NEBL: variants seen among roughly 807,000 people sequenced by gnomAD.
NEBL encodes the protein nebulette.
In NEBL, 122 loss-of-function variants were observed where a neutral mutation model predicts 140.2. The observed-to-expected ratio is 0.87, with a 90% CI of 0.75 to 1.01. The LOEUF (loss-of-function observed/expected upper bound fraction) is 1.01. Ranked by LOEUF, NEBL falls within the 50% of genes least tolerant of loss-of-function variation. The pLI, the probability that NEBL is intolerant of heterozygous loss-of-function variation, is 0.00. For synonymous variants in NEBL, 436 were observed against 398.9 expected (o/e 1.09, Z -1.11); for missense variants, 1,365 against 1,231.3 (o/e 1.11, Z -1.62).
In NEBL at chr10:21,126,100, G is replaced by A; in HGVS notation, c.164+46283C>T. 1.9e-6 allele frequency: 3 copies of A among 1,613,148 alleles called. No homozygotes were observed. The South Asian group carries it at 3.3e-5, about 18-fold the overall frequency. On this transcript the variant is annotated intron_variant, in intron 2 of 6. Transcript: ENST00000417816. ...CCTGGGAGGCCTCAGGCCCTTCTCG[G>A]CTCTCCGTTCTGCCTTACCAGGCCT...
Position 21,140,895 on chromosome 10 carries a change from G to A in NEBL, c.164+31488C>T, listed in dbSNP as rs187532086. On this transcript the variant is annotated intron_variant, in intron 2 of 6. Coordinates refer to the NEBL transcript ENST00000417816. ...GATAGGTGCAGCAAACCACCATGGC[G>A]CATGTATACCTAGGTAACAAACCTG... is the stretch of plus-strand genomic sequence containing the variant. 1.1e-4 allele frequency among the ~76,000 whole-genome samples: 16 copies of A among 151,872 alleles called. No individual in the cohort carries two copies. The East Asian group carries it at 1.7e-3, about 17-fold the overall frequency.
intron 2 of NEBL, among the ~76,000 whole-genome samples, chr10:21,171,131 T>G (rs1008427320): frequency 3.3e-5 from 5 of 151,562 alleles, no homozygotes; most frequent in African/African-American, 1.2e-4. Flanking sequence ...AGGTCCAGAG[T>G]TCGAGGCCAG....
intron 5 of NEBL, among the ~76,000 whole-genome samples, chr10:20,879,440 A>G (rs1217983881): frequency 6.6e-6 from 1 of 152,238 alleles, no homozygotes; most frequent in Non-Finnish European, 1.5e-5. Context: ...TTCATCTCCT[A>G]GCAATCTTAA....
chr10:21,023,742 T>A (rs1360003635), intron 2 of NEBL, among the ~76,000 whole-genome samples: 4 of 152,042 alleles, frequency 2.6e-5, no homozygotes, highest in African/African-American at 9.7e-5. Context: ...AAATTCTGCT[T>A]AATTATTTAA....
At chr10:21,132,616 G>C (rs1313633588) in intron 2 of NEBL, among the ~76,000 whole-genome samples, 7 of 151,992 alleles carry the variant, frequency 4.6e-5, no homozygotes, top group Admixed American at 1.3e-4. Context: ...ATGTGTGAGA[G>C]TTCCATTTTG....
At chr10:20,928,031 C>G (rs923338877) in intron 4 of NEBL, among the ~76,000 whole-genome samples, 2 of 152,104 alleles carry the variant, frequency 1.3e-5, no homozygotes, top group East Asian at 1.9e-4. Context: ...TTTAACTCAG[C>G]AGATCCAAAT....
chr10:20,973,544 C>A (rs1836671502), intron 3 of NEBL, among the ~76,000 whole-genome samples: 1 of 152,168 alleles, frequency 6.6e-6, no homozygotes, highest in Admixed American at 6.5e-5. Context: ...GCCATCGCTC[C>A]CAGACTACCA....
At chr10:20,899,714 T>C (rs1414742615), upstream of NEBL, 10 of 242,384 alleles carry the variant, frequency 4.1e-5, no homozygotes, top group Non-Finnish European at 7.4e-5. Flanking sequence ...CTGTGTTCAT[T>C]TGTTCAACAA....
intron 3 of NEBL, among the ~76,000 whole-genome samples, chr10:21,196,695 C>T (rs1841657568): frequency 6.6e-6 from 1 of 152,184 alleles, no homozygotes; most frequent in South Asian, 2.1e-4. Context: ...CTCTTTATTT[C>T]TGAATCTCTC....
At chr10:21,144,431 A>G (rs952154757) in intron 2 of NEBL, among the ~76,000 whole-genome samples, 2 of 152,262 alleles carry the variant, frequency 1.3e-5, no homozygotes, top group African/African-American at 4.8e-5. Context: ...TTGCTCAAAT[A>G]AAATCAGAAT....
chr10:21,175,951 G>A (rs764927961), upstream of NEBL, among the ~76,000 whole-genome samples: 2 of 151,962 alleles, frequency 1.3e-5, no homozygotes, highest in African/African-American at 2.4e-5. Context: ...TGACATTATA[G>A]CTGATTACAT....
chr10:20,872,200 C>G (rs571019243), intron 5 of NEBL, among the ~76,000 whole-genome samples: 64 of 152,164 alleles, frequency 4.2e-4, no homozygotes, highest in African/African-American at 1.5e-3. Flanking sequence ...GCAGCAGGAG[C>G]AGGACTTTGA....
At chr10:21,241,912 G>A (rs1387177030) in intron 3 of NEBL, among the ~76,000 whole-genome samples, 2 of 151,478 alleles carry the variant, frequency 1.3e-5, no homozygotes, top group East Asian at 3.9e-4. Context: ...TCTAAGAAAC[G>A]TTCTGTAGGC....
At chr10:21,235,098 C>G (rs966661392) in intron 3 of NEBL, among the ~76,000 whole-genome samples, 2 of 152,072 alleles carry the variant, frequency 1.3e-5, no homozygotes, top group African/African-American at 4.8e-5. Flanking sequence ...AGTTCCAGAC[C>G]AGCCTGGGCA....
chr10:21,253,179 G>C (rs946550963), intron 1 of NEBL, among the ~76,000 whole-genome samples: 1 of 152,230 alleles, frequency 6.6e-6, no homozygotes, highest in Non-Finnish European at 1.5e-5. Context: ...AGAGAGGTGA[G>C]AGAATCGCTT....
intron 1 of NEBL, among the ~76,000 whole-genome samples, chr10:21,267,315 T>C (rs1842808515): frequency 6.7e-6 from 1 of 149,888 alleles, no homozygotes; most frequent in Non-Finnish European, 1.5e-5. Flanking sequence ...GGTTTTGCCA[T>C]GTTGGCCAGG....
chr10:20,798,628 A>G (rs904953979), intron 26 of NEBL, among the ~76,000 whole-genome samples: 1 of 152,190 alleles, frequency 6.6e-6, no homozygotes, highest in Non-Finnish European at 1.5e-5. Flanking sequence ...CAGTTTATGA[A>G]GCTCTTCCCG....
intron 3 of NEBL, among the ~76,000 whole-genome samples, chr10:21,190,259 C>T (rs2132216075): frequency 6.6e-6 from 1 of 152,022 alleles, no homozygotes; most frequent in Middle Eastern, 3.4e-3. Flanking sequence ...GTGGGAGGAT[C>T]ACTTCAGGAC....
chr10:21,240,933 CACACACA>C (rs1842430673), intron 3 of NEBL, among the ~76,000 whole-genome samples: 1 of 151,702 alleles, frequency 6.6e-6, no homozygotes, highest in African/African-American at 2.4e-5. Flanking sequence ...CACACACACA[CACACACA>C]CACACAAAAC....
Sources: allele counts gnomAD v4.1 joint callset (sites outside exome capture counted in the v4.1 genomes callset), GRCh38; gene constraint gnomAD v4.1.1; transcripts MANE v1.5; gene names NCBI Gene and HGNC (gene_info 2026-07-23, HGNC 2026-07-21).